EPB41L1: variants seen among roughly 807,000 people sequenced by gnomAD.
The protein encoded by EPB41L1 is erythrocyte membrane protein band 4.1 like 1.
Under a neutral mutation model 97.8 loss-of-function variants are expected in EPB41L1, and 29 were observed. That is an observed-to-expected ratio of 0.30 (90% confidence interval 0.22 to 0.40). EPB41L1 has a LOEUF of 0.40. EPB41L1 is among the 10% of genes least tolerant of loss of function. The probability of loss-of-function intolerance (pLI) is 1.00; values close to 1 mark genes in which losing one functional copy is unlikely to be tolerated. For synonymous variants in EPB41L1, 383 were observed against 459.2 expected (o/e 0.83, Z 2.12); for missense variants, 812 against 1,162.3 (o/e 0.70, Z 4.38).
At position 36,204,834 on chromosome 20, in the gene EPB41L1, G is replaced by A. The variant is rs192827168; in HGVS notation, c.1669-4654G>A. On this transcript the variant is annotated intron_variant, in intron 14 of 21. Transcript: ENST00000338074. ...TTTTTTGTATTTTTAGTAGGGATGG[G>A]GTTTCACCATGTTGGCCAGGATGGT... Among the ~76,000 whole-genome samples, 352 of 151,612 alleles carry A rather than the reference G, an allele frequency of 2.3e-3. 4 individuals carry two copies. Among genetic ancestry groups the A allele is most frequent in the Admixed American group, 0.02 (306 of 15,220 alleles).
At chr20:36,189,841 G>GGCTC (rs1359656343) in intron 9 of EPB41L1, among the ~76,000 whole-genome samples, 1 of 152,134 alleles carries the variant, frequency 6.6e-6, no homozygotes, top group Non-Finnish European at 1.5e-5. Flanking sequence ...ACAGAGTAAG[G>GGCTC]GCTCAATCAC....
chr20:36,103,674 AAT>A (rs1435633014), intron 1 of EPB41L1, among the ~76,000 whole-genome samples: 2 of 151,786 alleles, frequency 1.3e-5, no homozygotes, highest in African/African-American at 4.8e-5. Flanking sequence ...TTTTTTGGTT[AAT>A]AGTTATTACC....
chr20:36,124,223 C>T (rs1319162547), intron 2 of EPB41L1, among the ~76,000 whole-genome samples: 1 of 152,154 alleles, frequency 6.6e-6, no homozygotes, highest in African/African-American at 2.4e-5. Flanking sequence ...CCACTGCACT[C>T]CAGCCTGGGC....
intron 5 of EPB41L1, among the ~76,000 whole-genome samples, chr20:36,179,967 T>C (rs1053542609): frequency 1.3e-5 from 2 of 151,972 alleles, no homozygotes; most frequent in Non-Finnish European, 2.9e-5. Context: ...TCGGAAAACA[T>C]ATAGGCAGCC....
Position 36,206,025 on chromosome 20 carries a change from C to T in EPB41L1, c.1669-3463C>T, listed in dbSNP as rs1054731947. On this transcript the variant is annotated intron_variant, in intron 14 of 21. Transcript: ENST00000338074. The surrounding 1 kb of genome is among the most constrained non-coding windows in gnomAD (Gnocchi z 5.5). ...TGGACAAGTTCAAAGTGGAAGTGGC[C>T]ACAGAAGAAATGGTGGGAAACAGAA... 7.7e-5 allele frequency: 99 copies of T among 1,289,720 alleles called. 1 individual carries two copies. The highest frequency in any genetic ancestry group is 9.6e-5 in the Non-Finnish European group (95 of 988,900). The allele number at this position is 1,289,720 out of a possible 1,614,324, so 79.9% of individuals were successfully genotyped here.
At chr20:36,165,623 A>G (rs1377098162) in intron 1 of EPB41L1, among the ~76,000 whole-genome samples, 1 of 152,080 alleles carries the variant, frequency 6.6e-6, no homozygotes, top group Non-Finnish European at 1.5e-5. Flanking sequence ...TGCTTGAACC[A>G]GGGAGGCAGA....
chr20:36,102,314 G>C (rs1883786), intron 1 of EPB41L1, among the ~76,000 whole-genome samples: 1 of 152,186 alleles, frequency 6.6e-6, no homozygotes, highest in Non-Finnish European at 1.5e-5. Context: ...CACAGGCACC[G>C]TCTGTCTTGG....
chr20:36,149,153 A>G (rs970202502), intron 2 of EPB41L1, among the ~76,000 whole-genome samples: 3 of 152,092 alleles, frequency 2.0e-5, no homozygotes, highest in African/African-American at 7.2e-5. Flanking sequence ...TATTATCCCC[A>G]TTGTACAGAT....
At chr20:36,177,118 A>T (rs1049667877) in intron 3 of EPB41L1, among the ~76,000 whole-genome samples, 2 of 152,132 alleles carry the variant, frequency 1.3e-5, no homozygotes, top group African/African-American at 4.8e-5. Context: ...AGGTTCAGGA[A>T]TTCCTTGTCA....
Position 36,212,194 on chromosome 20 carries a change from C to T in EPB41L1, c.2080-78C>T. On this transcript the variant is annotated intron_variant, in intron 15 of 21. Transcript: ENST00000338074. This position sits in a 1 kb window ranked among gnomAD's most constrained non-coding sequence, Gnocchi z 4.8. ...GTGGGGATAGGAGATAGCCTGCAGA[C>T]ACCACACTGCAATTGTCTGTGAGCA... 7 of 1,362,158 alleles carry T rather than the reference C, an allele frequency of 5.1e-6. No individual in the cohort carries two copies. The highest frequency in any genetic ancestry group is 2.3e-5 in the South Asian group (2 of 85,372). The allele number at this position is 1,362,158 out of a possible 1,614,324, so 84.4% of individuals were successfully genotyped here.
At chr20:36,131,166 G>A (rs1309365156) in intron 2 of EPB41L1, among the ~76,000 whole-genome samples, 3 of 152,002 alleles carry the variant, frequency 2.0e-5, no homozygotes. Flanking sequence ...GTAGAGATGG[G>A]GTTTCTCTAT....
chr20:36,156,297 T>G (rs2060297096), intron 1 of EPB41L1, among the ~76,000 whole-genome samples: 2 of 152,230 alleles, frequency 1.3e-5, no homozygotes, highest in African/African-American at 2.4e-5. Context: ...AGGAGATCAG[T>G]GCAGAGGGCA....
chr20:36,135,680 G>A (rs763773475), intron 2 of EPB41L1, among the ~76,000 whole-genome samples: 3 of 152,166 alleles, frequency 2.0e-5, no homozygotes, highest in African/African-American at 4.8e-5. Flanking sequence ...GGTCTCCCAC[G>A]CATAGCTCTT....
intron 1 of EPB41L1, among the ~76,000 whole-genome samples, chr20:36,168,887 C>T (rs1487738052): frequency 6.6e-6 from 1 of 152,024 alleles, no homozygotes; most frequent in African/African-American, 2.4e-5. Context: ...TCCTAAATCT[C>T]CTTCACCATC....
In EPB41L1 at chr20:36,178,643, C is replaced by T. The variant is rs763147536; in HGVS notation, c.461C>T (p.Pro154Leu). ...DADSQKNWLD[P>L]SKEIKKQIRS... Reference sequence around the variant, plus strand: ...CTTTTCTTTTAGAACTGGCTGGACCCCTCCAAGGAGATCAAGAAGCAGATC... The same window carrying T: ...CTTTTCTTTTAGAACTGGCTGGACCTCTCCAAGGAGATCAAGAAGCAGATC... Residue 154 changes from proline (P) to leucine (L), a missense_variant, in exon 5 of 22, where the codon CCC becomes CTC. Around this residue, in one of 3 missense-constraint regions of EPB41L1, gnomAD observed 230 missense variants for 445.2 expected, o/e 0.52. Transcript: ENST00000338074. 4 of 1,614,140 alleles carry T rather than the reference C, an allele frequency of 2.5e-6. No homozygotes were observed. The highest frequency in any genetic ancestry group is 2.7e-5 in the African/African-American group (2 of 75,036).
At chr20:36,131,231 TC>T (rs1216014999) in intron 2 of EPB41L1, among the ~76,000 whole-genome samples, 1 of 152,226 alleles carries the variant, frequency 6.6e-6, no homozygotes, top group African/African-American at 2.4e-5. Flanking sequence ...CGCCTCGGCC[TC>T]CCAAAGTGCT....
intron 1 of EPB41L1, among the ~76,000 whole-genome samples, chr20:36,170,390 G>A (rs2752898): frequency 0.38 from 57,765 of 151,956 alleles, 14,531 homozygotes; most frequent in African/African-American, 0.72. Context: ...ACTTTGCTGA[G>A]TTTTCTGTAT....
chr20:36,213,078 T>G (rs763909156), intron 16 of EPB41L1, among the ~76,000 whole-genome samples: 133 of 152,228 alleles, frequency 8.7e-4, no homozygotes, highest in Non-Finnish European at 1.6e-3. Context: ...GGAGCTTTTT[T>G]GCTCTGAGAC....
intron 1 of EPB41L1, among the ~76,000 whole-genome samples, chr20:36,170,384 T>C (rs2060937759): frequency 6.6e-6 from 1 of 152,240 alleles, no homozygotes; most frequent in African/African-American, 2.4e-5. Context: ...GTTAATACTT[T>C]GCTGAGTTTT....
Sources: allele counts gnomAD v4.1 joint callset (sites outside exome capture counted in the v4.1 genomes callset), GRCh38; gene constraint gnomAD v4.1.1; regional missense constraint gnomAD v4.1.1; non-coding constraint Gnocchi (gnomAD v3.1); transcripts MANE v1.5; gene names NCBI Gene and HGNC (gene_info 2026-07-23, HGNC 2026-07-21).